Variants in DIP2B observed in about 807,000 individuals in gnomAD.
The protein encoded by DIP2B is disco-interacting protein 2 homolog B.
In DIP2B, 76 loss-of-function variants were observed where a neutral mutation model predicts 198.0. The observed-to-expected ratio is 0.38, with a 90% CI of 0.32 to 0.46. The LOEUF (loss-of-function observed/expected upper bound fraction) is 0.46, where lower values mean the gene tolerates loss of function less well. Among genes scored for constraint, DIP2B ranks in the 20% least tolerant of loss-of-function variants. The pLI is 0.99. For missense variants in DIP2B, 1,559 were observed against 1,978.4 expected (o/e 0.79, Z 4.02); for synonymous variants, 701 against 739.1 (o/e 0.95, Z 0.84).
chr12:50,623,383 A>G (rs1355099594), intron 1 of DIP2B, among the ~76,000 whole-genome samples: 1 of 148,418 alleles, frequency 6.7e-6, no homozygotes, highest in East Asian at 2.0e-4. Flanking sequence ...CCTCCAAAAT[A>G]TATGTATCTA....
At chr12:50,508,712 C>CTTTTTTT (rs35206160) in intron 1 of DIP2B, among the ~76,000 whole-genome samples, 1 of 146,872 alleles carries the variant, frequency 6.8e-6, no homozygotes. Flanking sequence ...GAAATGCTAC[C>CTTTTTTT]TTTTTTTTTT....
chr12:50,629,847 G>A (rs1025835315), intron 2 of DIP2B, among the ~76,000 whole-genome samples: 1 of 151,834 alleles, frequency 6.6e-6, no homozygotes, highest in Non-Finnish European at 1.5e-5. Flanking sequence ...CAAGTTACAG[G>A]CTTAAAAGTC....
At chr12:50,629,122 T>A (rs1021509114) in intron 2 of DIP2B, among the ~76,000 whole-genome samples, 1 of 152,152 alleles carries the variant, frequency 6.6e-6, no homozygotes, top group Admixed American at 6.5e-5. Context: ...GCTTAAGCAA[T>A]CCACCCGTCT....
At chr12:50,590,125 A>G (rs549394261) in intron 1 of DIP2B, among the ~76,000 whole-genome samples, 3 of 151,842 alleles carry the variant, frequency 2.0e-5, no homozygotes, top group Non-Finnish European at 4.4e-5. Flanking sequence ...CTTCCTGAGT[A>G]GAAGCTACAG....
At chr12:50,601,924 G>T (rs1958940267) in intron 1 of DIP2B, among the ~76,000 whole-genome samples, 1 of 152,208 alleles carries the variant, frequency 6.6e-6, no homozygotes, top group African/African-American at 2.4e-5. Context: ...GCTCCATCCA[G>T]TCCTGGTGTG....
intron 7 of DIP2B, 35 bp downstream of exon 7, chr12:50,675,483 A>T: frequency 1.3e-6 from 2 of 1,578,622 alleles, no homozygotes; most frequent in Non-Finnish European, 1.7e-6. Context: ...TATATTCATT[A>T]AATAAATATA....
At chr12:50,547,372 G>T (rs1323092593) in intron 1 of DIP2B, among the ~76,000 whole-genome samples, 1 of 152,126 alleles carries the variant, frequency 6.6e-6, no homozygotes, top group Admixed American at 6.5e-5. Context: ...TCAAAGCAGG[G>T]TTAATTTTGT....
At chr12:50,716,862 C>A (rs557047905) in intron 23 of DIP2B, among the ~76,000 whole-genome samples, 1 of 151,060 alleles carries the variant, frequency 6.6e-6, no homozygotes, top group South Asian at 2.1e-4. Flanking sequence ...GAGTGGGCTC[C>A]CCCGTTTATT....
chr12:50,540,297 GACGGGGTTTC>G (rs112415695), intron 1 of DIP2B, among the ~76,000 whole-genome samples: 41,131 of 150,560 alleles, frequency 0.27, 6,295 homozygotes, highest in Non-Finnish European at 0.35. Flanking sequence ...ATTTAGTAGA[GACGGGGTTTC>G]ACCATCTTGG....
chr12:50,679,012 A>C lies in DIP2B; in HGVS notation c.1114+136A>C, dbSNP rs1938994790. The C allele has an allele frequency of 2.3e-5, 23 of 1,018,434 alleles. 1 individual carries two copies. In the South Asian group the frequency reaches 3.5e-4, roughly 16 times the overall value. 63.1% of individuals were successfully genotyped at this position (1,018,434 alleles called of 1,614,324 possible). A position where few individuals can be genotyped will look rare whatever the true frequency, so the allele number is the denominator to read the frequency against. On this transcript the variant is annotated intron_variant, in intron 8 of 37. Coordinates refer to ENST00000301180, the MANE Select transcript of DIP2B (RefSeq NM_173602.3). ...TTTTTCAATAATTTAAAAGGATCCT[A>C]AGCTCTAAGTAAAGCTATTGCCAAA...
intron 1 of DIP2B, among the ~76,000 whole-genome samples, chr12:50,584,808 T>C (rs537703046): frequency 6.6e-6 from 1 of 152,230 alleles, no homozygotes; most frequent in South Asian, 2.1e-4. Flanking sequence ...AAGTGAGCTG[T>C]CCACCTCTGC....
intron 1 of DIP2B, among the ~76,000 whole-genome samples, chr12:50,606,067 C>T (rs775079409): frequency 6.6e-6 from 1 of 152,178 alleles, no homozygotes; most frequent in African/African-American, 2.4e-5. Context: ...AAGCAGTTCA[C>T]CCATCTTGGC....
intron 33 of DIP2B, 141 bp downstream of exon 33, chr12:50,734,337 A>G: frequency 1.3e-6 from 1 of 775,460 alleles, no homozygotes. Flanking sequence ...ATTTGTTTTT[A>G]TCATTAATAC....
At chr12:50,714,296 A>C (rs905510362) in intron 22 of DIP2B, 99 bp from the exon 23 acceptor site, 1 of 1,351,252 alleles carries the variant, frequency 7.4e-7, no homozygotes, top group East Asian at 2.4e-5. Context: ...GAATGGGTAG[A>C]GTAAGAAAAA....
At chr12:50,691,973 G>A (rs1458143854) in intron 13 of DIP2B, among the ~76,000 whole-genome samples, 1 of 152,070 alleles carries the variant, frequency 6.6e-6, no homozygotes, top group Admixed American at 6.6e-5. Context: ...GCTGAGGCGG[G>A]AGAATCACTT....
chr12:50,646,119 T>C (rs1173222871), intron 3 of DIP2B, among the ~76,000 whole-genome samples: 1 of 152,056 alleles, frequency 6.6e-6, no homozygotes, highest in Non-Finnish European at 1.5e-5. Flanking sequence ...TGTTTATTTA[T>C]TTTATTTTAT....
chr12:50,517,333 C>T (rs1958075033), intron 1 of DIP2B, among the ~76,000 whole-genome samples: 2 of 152,046 alleles, frequency 1.3e-5, no homozygotes, highest in Non-Finnish European at 2.9e-5. Flanking sequence ...TCTTGACCTC[C>T]CAAAGTGCTG....
intron 1 of DIP2B, among the ~76,000 whole-genome samples, chr12:50,623,392 TACACACACACAC>T (rs55689070): frequency 0.081 from 7,551 of 93,214 alleles, 388 homozygotes; most frequent in Non-Finnish European, 0.12. Flanking sequence ...TATATGTATC[TACACACACACAC>T]ACACACACAC....
chr12:50,624,265 A>G (rs1165130598), intron 1 of DIP2B, among the ~76,000 whole-genome samples: 2 of 152,124 alleles, frequency 1.3e-5, no homozygotes, highest in Non-Finnish European at 2.9e-5. Flanking sequence ...GCCTGTCCTA[A>G]GCTTAACTCT....
Sources: gnomAD v4.1 joint callset for allele counts (sites outside exome capture counted in the v4.1 genomes callset) on GRCh38, gnomAD v4.1.1 for gene constraint, MANE v1.5 for transcripts, NCBI Gene and HGNC (gene_info 2026-07-23, HGNC 2026-07-21) for gene names.